Variants in MRPL39 observed in about 807,000 individuals in gnomAD.
MRPL39 encodes the protein mitochondrial ribosomal protein L39, also known as large ribosomal subunit protein mL39.
In MRPL39, 35 loss-of-function variants were observed where a neutral mutation model predicts 44.5. The observed-to-expected ratio is 0.79, with a 90% CI of 0.60 to 1.04. The LOEUF is 1.04. Ranked by LOEUF, MRPL39 falls within the 50% of genes least tolerant of loss-of-function variation. The pLI, the probability that MRPL39 is intolerant of heterozygous loss-of-function variation, is 0.00. For synonymous variants in MRPL39, 139 were observed against 136.1 expected (o/e 1.02, Z -0.15); for missense variants, 433 against 413.5 (o/e 1.05, Z -0.41).
At chr21:25,591,068 T>C (rs560506464) in intron 8 of MRPL39, among the ~76,000 whole-genome samples, 1 of 103,260 alleles carries the variant, frequency 9.7e-6, no homozygotes, top group East Asian at 2.9e-4. Context: ...CAATCTGACA[T>C]CTATAGCCCA....
intron 5 of MRPL39, 79 bp from the exon 6 acceptor site, chr21:25,597,493 A>C: frequency 1.3e-6 from 1 of 760,466 alleles, no homozygotes; most frequent in Non-Finnish European, 2.2e-6. Flanking sequence ...ACAAAACTCT[A>C]TGCTTAGTAC....
intron 3 of MRPL39, among the ~76,000 whole-genome samples, 174 bp from the exon 4 acceptor site, chr21:25,601,641 A>G (rs2031528976): frequency 6.6e-6 from 1 of 152,200 alleles, no homozygotes; most frequent in Non-Finnish European, 1.5e-5. Flanking sequence ...TCGACCAAGC[A>G]AAAATCAAAA....
At chr21:25,587,398 T>A (rs938502147) in intron 9 of MRPL39, among the ~76,000 whole-genome samples, 2 of 152,132 alleles carry the variant, frequency 1.3e-5, no homozygotes, top group Non-Finnish European at 2.9e-5. Flanking sequence ...AGAAAAAAAA[T>A]TATATAACCC....
intron 9 of MRPL39, among the ~76,000 whole-genome samples, chr21:25,586,673 A>G (rs1176779084): frequency 6.6e-6 from 1 of 152,170 alleles, no homozygotes; most frequent in African/African-American, 2.4e-5. Context: ...ATTCAAATTC[A>G]TCTTACATTC....
In MRPL39 at chr21:25,606,722, A is replaced by T. The variant is rs1219847032; in HGVS notation, c.74-67T>A. ...TTAACGTACTGCCAAAAGTGCGCTCAGAGGTAAAATTAAACCAATTTGTAA... is the reference window on the plus strand; with the variant it reads ...TTAACGTACTGCCAAAAGTGCGCTCTGAGGTAAAATTAAACCAATTTGTAA... On this transcript the variant is annotated intron_variant, in intron 1 of 9. Coordinates refer to ENST00000352957, the MANE Select transcript of MRPL39 (RefSeq NM_017446.4). The T allele has an allele frequency of 3.8e-6, 5 of 1,320,750 alleles. No individual in the cohort carries two copies. In the African/African-American group the frequency reaches 7.3e-5, roughly 19 times the overall value. 81.8% of individuals were successfully genotyped at this position (1,320,750 alleles called of 1,614,324 possible).
intron 5 of MRPL39, among the ~76,000 whole-genome samples, chr21:25,597,648 A>G (rs1435237902): frequency 6.6e-6 from 1 of 152,188 alleles, no homozygotes; most frequent in Non-Finnish European, 1.5e-5. Context: ...AATACTAATT[A>G]TTAAAGAGAA....
upstream of MRPL39, among the ~76,000 whole-genome samples, chr21:25,607,691 G>A (rs1427446685): frequency 6.6e-6 from 1 of 152,140 alleles, no homozygotes; most frequent in Non-Finnish European, 1.5e-5. Context: ...ACCTGGGCGC[G>A]GTCACCTACC....
intron 5 of MRPL39, among the ~76,000 whole-genome samples, chr21:25,599,572 G>T (rs1368239451): frequency 6.6e-6 from 1 of 152,178 alleles, no homozygotes; most frequent in Non-Finnish European, 1.5e-5. Flanking sequence ...CCATGTTGAT[G>T]TAAATACTCT....
chr21:25,585,829 T>C lies in MRPL39; in HGVS notation c.970-75A>G, dbSNP rs1275730903. On this transcript the variant is annotated intron_variant, in intron 9 of 9. Transcript: ENST00000352957. ...ACCCTTCACCCACCATTTTAAATCA[T>C]TCCACAGCCCTCTTATAATGACCCT... 5 of 991,700 alleles carry C rather than the reference T, an allele frequency of 5.0e-6. No homozygotes were observed. The African/African-American group carries it at 8.1e-5, about 16-fold the overall frequency. The allele number at this position is 991,700 out of a possible 1,614,324, so 61.4% of individuals were successfully genotyped here.
chr21:25,593,741 C>T, intron 7 of MRPL39, 152 bp downstream of exon 7: 1 of 512,170 alleles, frequency 2.0e-6, no homozygotes, highest in Non-Finnish European at 3.3e-6. Context: ...CATTTACCAC[C>T]ATAACAAAAC....
intron 6 of MRPL39, among the ~76,000 whole-genome samples, 194 bp downstream of exon 6, chr21:25,597,108 C>T (rs1344273166): frequency 6.6e-6 from 1 of 152,156 alleles, no homozygotes; most frequent in Admixed American, 6.5e-5. Context: ...AGAAGTAAAA[C>T]AAAGTGAGAA....
chr21:25,590,476 C>A (rs1347241985), intron 8 of MRPL39, among the ~76,000 whole-genome samples: 1 of 151,960 alleles, frequency 6.6e-6, no homozygotes, highest in Non-Finnish European at 1.5e-5. Flanking sequence ...CTGCATGCAG[C>A]CCATGGGCTG....
chr21:25,601,389 C>T lies in MRPL39; in HGVS notation c.499G>A (p.Val167Ile), dbSNP rs373638144. 1.7e-5 allele frequency: 27 copies of T among 1,610,446 alleles called. No individual in the cohort carries two copies. The highest frequency in any genetic ancestry group is 2.3e-5 in the Non-Finnish European group (27 of 1,178,018). Residue 167 changes from valine to isoleucine, a missense_variant, in exon 4 of 10, where the codon GTC (valine) becomes ATC (isoleucine). Transcript: ENST00000352957. ...CTACCAGGAACTTCTGGAGCTCTGA[C>T]CAAATTGACCATATATTCATCTTTG... Reference protein sequence around the residue: ...AFKDEYMVNLVRAPEVPVISG... With the variant: ...AFKDEYMVNLIRAPEVPVISG...
chr21:25,600,677 G>A (rs1296547737), intron 4 of MRPL39, among the ~76,000 whole-genome samples: 1 of 151,966 alleles, frequency 6.6e-6, no homozygotes, highest in Non-Finnish European at 1.5e-5. Flanking sequence ...TCACCAAAGT[G>A]CTGTCACTTT....
chr21:25,599,639 T>C (rs955906907), intron 5 of MRPL39, among the ~76,000 whole-genome samples, 160 bp downstream of exon 5: 2 of 152,124 alleles, frequency 1.3e-5, no homozygotes, highest in Non-Finnish European at 2.9e-5. Flanking sequence ...AATAGATAGA[T>C]AGATAGACAG....
At chr21:25,606,372 C>A in intron 2 of MRPL39, 77 bp downstream of exon 2, 1 of 1,279,836 alleles carries the variant, frequency 7.8e-7, no homozygotes, top group Non-Finnish European at 1.1e-6. Flanking sequence ...GTAATTACAG[C>A]ATCCTGTCTC....
At chr21:25,589,773 C>T (rs530147901) in intron 8 of MRPL39, among the ~76,000 whole-genome samples, 1 of 151,844 alleles carries the variant, frequency 6.6e-6, no homozygotes, top group African/African-American at 2.4e-5. Context: ...TATCAACATA[C>T]AAACCCTTCC....
Position 25,600,344 on chromosome 21 carries a change from C to CA in MRPL39, c.521-479dup, listed in dbSNP as rs1317984285. Among the ~76,000 whole-genome samples, 20 of 131,110 alleles carry CA rather than the reference C, an allele frequency of 1.5e-4. No individual in the cohort carries two copies. In the Admixed American group the frequency reaches 1.9e-3, roughly 12 times the overall value. 86.0% of individuals were successfully genotyped at this position (131,110 alleles called of 152,430 possible). On this transcript the variant is annotated intron_variant, in intron 4 of 9. Transcript: ENST00000352957. The stretch of plus-strand genomic sequence containing the variant: ...CTGGGAGGTGCAGGTTGCAGTGAGC[C>CA]AAGATCGCGCCACTGCACTCCAGCC...
intron 3 of MRPL39, among the ~76,000 whole-genome samples, chr21:25,601,930 T>C (rs2031536879): frequency 6.6e-6 from 1 of 152,370 alleles, no homozygotes; most frequent in African/African-American, 2.4e-5. Flanking sequence ...TTCAGATTAC[T>C]CATATTTATA....
Sources: allele counts gnomAD v4.1 joint callset (sites outside exome capture counted in the v4.1 genomes callset), GRCh38; gene constraint gnomAD v4.1.1; transcripts MANE v1.5; gene names NCBI Gene and HGNC (gene_info 2026-07-23, HGNC 2026-07-21).